The following NAV2 variants were observed in gnomAD, a reference collection of about 807,000 sequenced individuals.
NAV2 encodes neuron navigator 2.
A neutral mutation model predicts 223.2 loss-of-function variants in NAV2; 54 were observed. The ratio of observed to expected loss-of-function variants is 0.24; its 90% CI spans 0.19 to 0.30. The LOEUF (loss-of-function observed/expected upper bound fraction) is 0.30, where lower values mean the gene tolerates loss of function less well. Among genes scored for constraint, NAV2 ranks in the 10% least tolerant of loss-of-function variants. The probability of loss-of-function intolerance (pLI) is 1.00; values close to 1 mark genes in which losing one functional copy is unlikely to be tolerated. For missense variants in NAV2, 2,806 were observed against 3,147.5 expected (o/e 0.89, Z 2.60); for synonymous variants, 1,279 against 1,239.3 (o/e 1.03, Z -0.67).
At position 19,730,942 on chromosome 11, in the gene NAV2, A is replaced by G. The variant is rs184952404; in HGVS notation, c.267+16980A>G. ...ATGAAAAAATTTTAATTATATTTAA[A>G]TATGTAATAAATGACAAAGCCTGAA... On this transcript the variant is annotated intron_variant, in intron 1 of 37. Coordinates refer to ENST00000349880, the MANE Select transcript of NAV2 (RefSeq NM_145117.5). Among the ~76,000 whole-genome samples the G allele has an allele frequency of 9.2e-5, 14 of 152,388 alleles. No individual in the cohort carries two copies. In the East Asian group the frequency reaches 1.5e-3, roughly 17 times the overall value.
upstream of NAV2, among the ~76,000 whole-genome samples, chr11:19,345,837 G>A (rs1852976350): frequency 1.3e-5 from 2 of 152,152 alleles, no homozygotes; most frequent in Non-Finnish European, 2.9e-5. The surrounding 1 kb of genome is among the most constrained non-coding windows in gnomAD (Gnocchi z 5.2). Context: ...TTGTTCTTGT[G>A]TTTCTGACTG....
chr11:19,517,479 G>A (rs1176455795), intron 1 of NAV2, among the ~76,000 whole-genome samples: 1 of 152,152 alleles, frequency 6.6e-6, no homozygotes, highest in African/African-American at 2.4e-5. Flanking sequence ...TCTGTACCTG[G>A]CACTTAATTC....
At chr11:19,927,910 C>G (rs1591282455) in intron 6 of NAV2, among the ~76,000 whole-genome samples, 1 of 152,290 alleles carries the variant, frequency 6.6e-6, no homozygotes, top group African/African-American at 2.4e-5. Flanking sequence ...GTCACAGCTA[C>G]TATTTTAAAA....
Position 19,780,883 on chromosome 11 carries a change from TG to T in NAV2, c.268-51600del, listed in dbSNP as rs2056683606. ...GGGGGAAGTTACCAGGACTGTTTTT[TG>T]TTTGTTTGTTTGTTTGTTTGTTTTT... On this transcript the variant is annotated intron_variant, in intron 1 of 37. Transcript: ENST00000349880. 2.6e-5 allele frequency among the ~76,000 whole-genome samples: 4 copies of T among 151,818 alleles called. No individual in the cohort carries two copies. In the East Asian group the frequency reaches 7.7e-4, roughly 29 times the overall value.
At chr11:19,689,129 G>A (rs1248397408) in intron 1 of NAV2, among the ~76,000 whole-genome samples, 2 of 152,132 alleles carry the variant, frequency 1.3e-5, no homozygotes, top group African/African-American at 4.8e-5. Context: ...TCCATTCTTG[G>A]CTGCCCTGGT....
chr11:19,560,105 T>C (rs889595792), intron 1 of NAV2, among the ~76,000 whole-genome samples: 1 of 152,204 alleles, frequency 6.6e-6, no homozygotes, highest in Admixed American at 6.5e-5. Context: ...AATTAGCTTT[T>C]TGTTGAAGCT....
chr11:19,581,887 G>C (rs10741781), intron 1 of NAV2, among the ~76,000 whole-genome samples: 131,168 of 152,062 alleles, frequency 0.86, 59,322 homozygotes, highest in Non-Finnish European at 1. Flanking sequence ...CCCAGTAATG[G>C]GATGGCTGGG....
intron 1 of NAV2, among the ~76,000 whole-genome samples, chr11:19,610,085 A>G (rs2135320040): frequency 6.6e-6 from 1 of 152,344 alleles, no homozygotes. Flanking sequence ...TTCCTCGAGC[A>G]GAAAGAATGT....
rs753174766 is a variant in NAV2 at position 20,054,170 on chromosome 11, C to A, written c.4572C>A (p.Ala1524=). 2 of 1,613,740 alleles carry A rather than the reference C, an allele frequency of 1.2e-6. No individual in the cohort carries two copies. Among genetic ancestry groups the A allele is most frequent in the South Asian group, 1.1e-5 (1 of 90,950 alleles). The change falls in exon 18 of 38, where the codon GCC becomes GCA. Residue 1524 remains alanine (A), a synonymous_variant. Coordinates refer to ENST00000349880, the MANE Select transcript of NAV2 (RefSeq NM_145117.5). ...HSAGGLQDTA[A]NSPFSSGSSV... ...CAGGAGGCCTTCAGGACACCGCTGCCAATTCCCCCTTTTCCTCTGGCTCCA... is the reference window on the plus strand; with the variant it reads ...CAGGAGGCCTTCAGGACACCGCTGCAAATTCCCCCTTTTCCTCTGGCTCCA...
At chr11:19,655,029 T>G (rs9737399) in intron 1 of NAV2, among the ~76,000 whole-genome samples, 121,562 of 152,046 alleles carry the variant, frequency 0.8, 51,632 homozygotes, top group Middle Eastern at 0.95. Context: ...TACAATGAAC[T>G]CCAACAAATT....
chr11:19,987,577 G>T (rs2050906483), intron 11 of NAV2, among the ~76,000 whole-genome samples: 1 of 152,244 alleles, frequency 6.6e-6, no homozygotes, highest in African/African-American at 2.4e-5. Flanking sequence ...GGCAGAACTT[G>T]CCTGTTTGCA....
At chr11:19,781,928 A>C (rs2056780439) in intron 1 of NAV2, among the ~76,000 whole-genome samples, 1 of 152,220 alleles carries the variant, frequency 6.6e-6, no homozygotes, top group African/African-American at 2.4e-5. Context: ...TTACACGTAT[A>C]GACTGATTCC....
At chr11:19,795,454 C>A (rs2057814019) in intron 1 of NAV2, among the ~76,000 whole-genome samples, 1 of 152,112 alleles carries the variant, frequency 6.6e-6, no homozygotes, top group South Asian at 2.1e-4. Context: ...ACAAAATATT[C>A]TAATGGTAAA....
chr11:19,438,403 C>T (rs2133669751), intron 1 of NAV2, among the ~76,000 whole-genome samples: 1 of 152,332 alleles, frequency 6.6e-6, no homozygotes, highest in Admixed American at 6.5e-5. Flanking sequence ...GTCTTTAGCC[C>T]TTGTCACCTG....
intron 1 of NAV2, among the ~76,000 whole-genome samples, chr11:19,482,953 C>T (rs919951255): frequency 6.6e-6 from 1 of 152,176 alleles, no homozygotes; most frequent in African/African-American, 2.4e-5. Context: ...GGCAAGGCAG[C>T]AGCTTACATT....
At chr11:19,411,348 T>C (rs1317139366) in intron 1 of NAV2, among the ~76,000 whole-genome samples, 1 of 152,208 alleles carries the variant, frequency 6.6e-6, no homozygotes, top group Non-Finnish European at 1.5e-5. Context: ...CTATGTTCTC[T>C]ACACCCATGC....
intron 1 of NAV2, among the ~76,000 whole-genome samples, chr11:19,561,317 C>T (rs572994583): frequency 2.6e-5 from 4 of 152,122 alleles, no homozygotes; most frequent in Admixed American, 6.5e-5. Context: ...TAACCAGTCA[C>T]GGAGAGTCGG....
intron 11 of NAV2, among the ~76,000 whole-genome samples, chr11:20,026,459 T>C (rs2436182): frequency 0.88 from 133,238 of 151,936 alleles, 58,560 homozygotes; most frequent in East Asian, 0.99. Context: ...TACAGGTGCC[T>C]GCCACCATAC....
At chr11:19,886,046 C>T (rs1038905344) in intron 5 of NAV2, among the ~76,000 whole-genome samples, 1 of 152,176 alleles carries the variant, frequency 6.6e-6, no homozygotes, top group Admixed American at 6.5e-5. Flanking sequence ...ATGGCGCTAT[C>T]ATGGCGCTAT....
Sources: allele counts gnomAD v4.1 joint callset (sites outside exome capture counted in the v4.1 genomes callset), GRCh38; gene constraint gnomAD v4.1.1; non-coding constraint Gnocchi (gnomAD v3.1); transcripts MANE v1.5; gene names NCBI Gene and HGNC (gene_info 2026-07-23, HGNC 2026-07-21).